Variants in PITPNB observed in about 807,000 individuals in gnomAD.
The protein encoded by PITPNB is phosphatidylinositol transfer protein beta, also known as phosphatidylinositol transfer protein beta isoform.
A neutral mutation model predicts 45.9 loss-of-function variants in PITPNB; 16 were observed. The observed-to-expected ratio is 0.35, with a 90% CI of 0.24 to 0.53. The LOEUF is 0.53. Ranked by LOEUF, PITPNB falls within the 20% of genes least tolerant of loss-of-function variation. PITPNB has a pLI of 0.93. For missense variants in PITPNB, 188 were observed against 330.5 expected (o/e 0.57, Z 3.34); for synonymous variants, 112 against 108.9 (o/e 1.03, Z -0.18).
intron 3 of PITPNB, among the ~76,000 whole-genome samples, chr22:27,907,733 T>A (rs1043243911): frequency 6.6e-6 from 1 of 152,168 alleles, no homozygotes; most frequent in Middle Eastern, 3.2e-3. Context: ...TCATCAGGCA[T>A]CTGGGACTTG....
intron 2 of PITPNB, among the ~76,000 whole-genome samples, chr22:27,912,915 G>T (rs549947059): frequency 6.7e-6 from 1 of 150,088 alleles, no homozygotes; most frequent in Non-Finnish European, 1.5e-5. Context: ...CCCAGGAGGC[G>T]GAGGTTGCAG....
chr22:27,869,362 T>C (rs1045700629), intron 8 of PITPNB, among the ~76,000 whole-genome samples: 3 of 152,168 alleles, frequency 2.0e-5, no homozygotes, highest in South Asian at 4.1e-4. Flanking sequence ...ATAAAAGATA[T>C]GTATCACATC....
intron 3 of PITPNB, among the ~76,000 whole-genome samples, chr22:27,903,880 A>G (rs1290272771): frequency 2.0e-5 from 3 of 152,182 alleles, no homozygotes; most frequent in African/African-American, 7.2e-5. Context: ...AAGCACTTGA[A>G]AAGATGTTAA....
chr22:27,856,632 T>C (rs1159043012), intron 10 of PITPNB, among the ~76,000 whole-genome samples: 1 of 152,234 alleles, frequency 6.6e-6, no homozygotes, highest in Non-Finnish European at 1.5e-5. Context: ...CACACAGTTC[T>C]TCAGCATAAA....
In PITPNB at chr22:27,906,198, G is replaced by T. The variant is rs573264816; in HGVS notation, c.197+4766C>A. Among the ~76,000 whole-genome samples, 570 of 152,242 alleles carry T rather than the reference G, an allele frequency of 3.7e-3. 4 individuals carry two copies. The highest frequency in any genetic ancestry group is 0.013 in the African/African-American group (528 of 41,574). On this transcript the variant is annotated intron_variant, in intron 3 of 11. Coordinates refer to ENST00000335272, the MANE Select transcript of PITPNB (RefSeq NM_012399.5). ...GGTTATGAGAGGCCCCAGCATAAGG[G>T]GCTGAAAAAAACGCTCAGGGTGGGC... is the stretch of plus-strand genomic sequence containing the variant.
chr22:27,874,839 C>T (rs1219450165), intron 7 of PITPNB, among the ~76,000 whole-genome samples: 2 of 152,128 alleles, frequency 1.3e-5, no homozygotes, highest in East Asian at 1.9e-4. Flanking sequence ...TCACAGAATT[C>T]GTGAAGAGAC....
At chr22:27,873,915 A>C (rs1934743417) in intron 7 of PITPNB, 100 bp from the exon 8 acceptor site, 1 of 750,288 alleles carries the variant, frequency 1.3e-6, no homozygotes, top group South Asian at 1.5e-5. Flanking sequence ...ACAGGACAGA[A>C]ATCAATTAGA....
intron 7 of PITPNB, among the ~76,000 whole-genome samples, chr22:27,879,014 A>C (rs138500044): frequency 6.6e-6 from 1 of 152,052 alleles, no homozygotes; most frequent in South Asian, 2.1e-4. Context: ...AGTCAAATCT[A>C]CACCCCTGAA....
chr22:27,889,948 G>C (rs1935226407), intron 7 of PITPNB, among the ~76,000 whole-genome samples: 1 of 152,234 alleles, frequency 6.6e-6, no homozygotes, highest in Non-Finnish European at 1.5e-5. Flanking sequence ...ATTGGATCTG[G>C]TAAGAAGTAG....
At chr22:27,918,398 G>C (rs1936149818) in intron 1 of PITPNB, among the ~76,000 whole-genome samples, 1 of 152,182 alleles carries the variant, frequency 6.6e-6, no homozygotes, top group South Asian at 2.1e-4. Flanking sequence ...CGAACATTCA[G>C]AGGCAAGCAG....
chr22:27,877,536 A>G (rs1934853931), intron 7 of PITPNB, among the ~76,000 whole-genome samples: 1 of 152,246 alleles, frequency 6.6e-6, no homozygotes, highest in African/African-American at 2.4e-5. Flanking sequence ...CTGGAATACA[A>G]AAGTTGTGCT....
In PITPNB at chr22:27,854,866, T is replaced by G. The variant is rs1934126693; in HGVS notation, c.*26A>C. ...GGTCTTCACTTACACAGTTTGACAT[T>G]GTCTCTGACCCTACAGGGGACTCAT... is the stretch of plus-strand genomic sequence containing the variant. On this transcript the variant is annotated 3_prime_UTR_variant, in exon 11 of 12. Coordinates refer to ENST00000335272, the MANE Select transcript of PITPNB (RefSeq NM_012399.5). 6.2e-7 allele frequency: 1 copy of G among 1,609,418 alleles called. No individual in the cohort carries two copies. The highest frequency in any genetic ancestry group is 8.5e-7 in the Non-Finnish European group (1 of 1,176,158).
At chr22:27,913,798 G>A (rs578111504) in intron 2 of PITPNB, among the ~76,000 whole-genome samples, 1 of 152,318 alleles carries the variant, frequency 6.6e-6, no homozygotes, top group East Asian at 1.9e-4. Flanking sequence ...TGCTTGTGGG[G>A]GATGGGGTTG....
intron 7 of PITPNB, among the ~76,000 whole-genome samples, chr22:27,885,915 G>C (rs1482766762): frequency 6.6e-6 from 1 of 152,108 alleles, no homozygotes; most frequent in African/African-American, 2.4e-5. Flanking sequence ...ATCTTGCTAG[G>C]TCCTGGAAAC....
At chr22:27,905,377 T>G (rs1374486785) in intron 3 of PITPNB, among the ~76,000 whole-genome samples, 1 of 152,186 alleles carries the variant, frequency 6.6e-6, no homozygotes, top group Non-Finnish European at 1.5e-5. Flanking sequence ...TTCGAACTCC[T>G]GACTTCAAAT....
At chr22:27,867,826 T>C (rs1282564153) in intron 8 of PITPNB, among the ~76,000 whole-genome samples, 5 of 152,188 alleles carry the variant, frequency 3.3e-5, no homozygotes, top group Admixed American at 6.5e-5. Flanking sequence ...AGACATTCCA[T>C]AGCCAAGATA....
rs147434987 is a variant in PITPNB at position 27,893,000 on chromosome 22, C to T, written c.456+1555G>A. ...TTCAACAGCAAAACCAGACATTTAG[C>T]GTTTGACTTATTTCTGTTTCACTTA... On this transcript the variant is annotated intron_variant, in intron 7 of 11. Coordinates refer to ENST00000335272, the MANE Select transcript of PITPNB (RefSeq NM_012399.5). Among the ~76,000 whole-genome samples, 1,035 of 152,272 alleles carry T rather than the reference C, an allele frequency of 6.8e-3. 7 individuals carry two copies. Among genetic ancestry groups the T allele is most frequent in the African/African-American group, 0.023 (940 of 41,558 alleles).
intron 8 of PITPNB, among the ~76,000 whole-genome samples, chr22:27,864,932 CA>C (rs979161480): frequency 3.4e-5 from 4 of 118,690 alleles, no homozygotes; most frequent in East Asian, 4.6e-4. Context: ...CAGCAAAACT[CA>C]AAAAAAAACT....
rs114518214 is a variant in PITPNB, at chr22:27,904,379, G to A, written c.198-6487C>T. Among the ~76,000 whole-genome samples, 401 of 152,268 alleles carry A rather than the reference G, an allele frequency of 2.6e-3. 3 individuals carry two copies. The highest frequency in any genetic ancestry group is 9.2e-3 in the African/African-American group (384 of 41,534). ...AAGTGAAAGAAGTCAATCACGGAAG[G>A]CCACATATTACATGATTCCATTTAT... On this transcript the variant is annotated intron_variant, in intron 3 of 11. Coordinates refer to ENST00000335272, the MANE Select transcript of PITPNB (RefSeq NM_012399.5).
Sources: allele counts gnomAD v4.1 joint callset (sites outside exome capture counted in the v4.1 genomes callset), GRCh38; gene constraint gnomAD v4.1.1; transcripts MANE v1.5; gene names NCBI Gene and HGNC (gene_info 2026-07-23, HGNC 2026-07-21).